Variants in VTI1A observed in about 807,000 individuals in gnomAD.
VTI1A encodes vesicle transport through interaction with t-SNAREs 1A, also known as vesicle transport through interaction with t-SNAREs homolog 1A.
In VTI1A, 22 loss-of-function variants were observed where a neutral mutation model predicts 34.9. That is an observed-to-expected ratio of 0.63 (90% CI 0.45 to 0.90). The LOEUF is 0.90. Among genes scored for constraint, VTI1A ranks in the 40% least tolerant of loss-of-function variants. VTI1A has a pLI of 0.00. For missense variants in VTI1A, 268 were observed against 275.6 expected (o/e 0.97, Z 0.20); for synonymous variants, 87 against 97.3 (o/e 0.89, Z 0.62).
At chr10:112,487,051 G>A (rs1235755160) in intron 3 of VTI1A, among the ~76,000 whole-genome samples, 2 of 152,094 alleles carry the variant, frequency 1.3e-5, no homozygotes, top group Admixed American at 6.6e-5. Context: ...GATTAAGGAG[G>A]CTTGTGTAGG....
At chr10:112,684,437 CTTTTT>C (rs35671432) in intron 7 of VTI1A, among the ~76,000 whole-genome samples, 2 of 123,500 alleles carry the variant, frequency 1.6e-5, no homozygotes, top group Non-Finnish European at 3.3e-5. Flanking sequence ...ATGCTCATCT[CTTTTT>C]TTTTTTTTTT....
intron 5 of VTI1A, among the ~76,000 whole-genome samples, chr10:112,626,416 A>ACT (rs35564698): frequency 2.0e-5 from 3 of 151,736 alleles, no homozygotes; most frequent in African/African-American, 7.3e-5. Context: ...TGAGATATAT[A>ACT]ATCAACATTC....
intron 3 of VTI1A, among the ~76,000 whole-genome samples, chr10:112,471,331 A>G (rs897372720): frequency 5.8e-5 from 8 of 138,788 alleles, no homozygotes; most frequent in African/African-American, 2.2e-4. Context: ...ACCATTCCTG[A>G]TTATTCTGTT....
chr10:112,614,112 A>G lies in VTI1A; in HGVS notation c.428-54106A>G, dbSNP rs145915854. ...AGGTTCCAGTAAGTTGATTGTACTC[A>G]TGGAAATGTGCTCAGTTAACCCCTG... On this transcript the variant is annotated intron_variant, in intron 5 of 7. Coordinates refer to ENST00000393077, the MANE Select transcript of VTI1A (RefSeq NM_145206.4). Among the ~76,000 whole-genome samples the G allele has an allele frequency of 4.0e-3, 609 of 152,186 alleles. 4 individuals are homozygous for G. Among genetic ancestry groups the G allele is most frequent in the South Asian group, 0.03 (144 of 4,826 alleles).
At chr10:112,850,652 T>G in the VTI1A span, among the ~76,000 whole-genome samples, 4 of 152,210 alleles carry the variant, frequency 2.6e-5, no homozygotes, top group Non-Finnish European at 5.9e-5. Flanking sequence ...TTTATTTCTC[T>G]TATTTTGTGT....
chr10:112,627,119 T>A (rs1845950868), intron 5 of VTI1A, among the ~76,000 whole-genome samples: 1 of 152,246 alleles, frequency 6.6e-6, no homozygotes, highest in Admixed American at 6.5e-5. Flanking sequence ...TCTTAAATGA[T>A]GAGCTTTGAA....
intron 3 of VTI1A, among the ~76,000 whole-genome samples, chr10:112,518,579 CTCTCTCTCTCTATATATATATA>C: frequency 1.0e-5 from 1 of 96,512 alleles, no homozygotes; most frequent in Non-Finnish European, 2.0e-5. Context: ...CTCTCTCTCT[CTCTCTCTCTCTATATATATATA>C]TATATATATA....
Position 112,520,647 on chromosome 10 carries a change from G to GTGTATATA in VTI1A, c.265-6439_265-6438insGTATATAT, listed in dbSNP as rs1330449301. ...TGTGTGTGTGTGTGTGTGTGTGTGT[G>GTGTATATA]TATATATATATATATATATATATAT... On this transcript the variant is annotated intron_variant, in intron 3 of 7. Coordinates refer to ENST00000393077, the MANE Select transcript of VTI1A (RefSeq NM_145206.4). 4.7e-5 allele frequency among the ~76,000 whole-genome samples: 6 copies of GTGTATATA among 128,988 alleles called. No homozygotes were observed. The East Asian group carries it at 7.6e-4, about 16-fold the overall frequency. The allele number at this position is 128,988 out of a possible 152,430, so 84.6% of individuals were successfully genotyped here.
At chr10:112,470,090 C>T (rs1009698733) in intron 3 of VTI1A, among the ~76,000 whole-genome samples, 1 of 152,200 alleles carries the variant, frequency 6.6e-6, no homozygotes, top group Non-Finnish European at 1.5e-5. Flanking sequence ...ATAATTGATT[C>T]ATCCATTTTG....
intron 7 of VTI1A, among the ~76,000 whole-genome samples, chr10:112,771,868 C>T (rs1426691618): frequency 6.6e-6 from 1 of 152,184 alleles, no homozygotes; most frequent in Non-Finnish European, 1.5e-5. Context: ...CTGGTTATAA[C>T]ATGTGCCAGT....
At chr10:112,597,275 T>C (rs549424704) in intron 5 of VTI1A, among the ~76,000 whole-genome samples, 1 of 152,272 alleles carries the variant, frequency 6.6e-6, no homozygotes, top group African/African-American at 2.4e-5. Context: ...TGGAGTGCAA[T>C]GATGCGGTCT....
At chr10:112,553,709 C>T (rs1851446598) in intron 5 of VTI1A, among the ~76,000 whole-genome samples, 1 of 152,150 alleles carries the variant, frequency 6.6e-6, no homozygotes, top group Non-Finnish European at 1.5e-5. Context: ...GAAGGTATAC[C>T]CACTTTTGAA....
chr10:112,750,689 T>C (rs1851070896), intron 7 of VTI1A, among the ~76,000 whole-genome samples: 1 of 152,208 alleles, frequency 6.6e-6, no homozygotes, highest in Non-Finnish European at 1.5e-5. Flanking sequence ...CTGAGTCTTA[T>C]TAGACTGCTT....
intron 4 of VTI1A, among the ~76,000 whole-genome samples, chr10:112,536,182 GTTTTC>G (rs1373041048): frequency 6.6e-6 from 1 of 151,946 alleles, no homozygotes; most frequent in African/African-American, 2.4e-5. Context: ...ATAACTAAAT[GTTTTC>G]TTTTAATTTT....
At chr10:112,752,238 A>G (rs1302681609) in intron 7 of VTI1A, 1 of 291,652 alleles carries the variant, frequency 3.4e-6, no homozygotes, top group Admixed American at 6.5e-5. Flanking sequence ...AGCTGTGGTG[A>G]GACCCAGAGT....
At chr10:112,722,302 T>C (rs1037867435) in intron 7 of VTI1A, among the ~76,000 whole-genome samples, 3 of 151,938 alleles carry the variant, frequency 2.0e-5, no homozygotes, top group African/African-American at 7.3e-5. Flanking sequence ...TAGGTGGGAA[T>C]TGAACAATGA....
intron 7 of VTI1A, among the ~76,000 whole-genome samples, chr10:112,798,783 G>A (rs193068706): frequency 6.6e-6 from 1 of 152,280 alleles, no homozygotes; most frequent in African/African-American, 2.4e-5. Flanking sequence ...ATTGTAAGTA[G>A]AGGCAACCCT....
At chr10:112,637,244 G>A (rs1046347721) in intron 5 of VTI1A, among the ~76,000 whole-genome samples, 2 of 152,194 alleles carry the variant, frequency 1.3e-5, no homozygotes, top group African/African-American at 2.4e-5. Context: ...ATTGAAGGGT[G>A]TGAACATTAT....
the VTI1A span, among the ~76,000 whole-genome samples, chr10:112,851,084 G>A: frequency 8.5e-5 from 13 of 152,278 alleles, no homozygotes; most frequent in African/African-American, 2.6e-4. Context: ...TTAAGATGAA[G>A]GCCTGCATTT....
Sources: allele counts gnomAD v4.1 joint callset (sites outside exome capture counted in the v4.1 genomes callset), GRCh38; gene constraint gnomAD v4.1.1; transcripts MANE v1.5; gene names NCBI Gene and HGNC (gene_info 2026-07-23, HGNC 2026-07-21).